PHACTR1: variants seen among roughly 807,000 people sequenced by gnomAD.
PHACTR1 encodes the protein RPEL repeat containing 1.
Under a neutral mutation model 69.2 loss-of-function variants are expected in PHACTR1, and 16 were observed. The observed-to-expected ratio is 0.23, with a 90% confidence interval of 0.16 to 0.35. The LOEUF is 0.35. PHACTR1 is among the 10% of genes least tolerant of loss of function. PHACTR1 has a pLI of 1.00. For missense variants in PHACTR1, 510 were observed against 734.7 expected, an observed-to-expected ratio of 0.69 and a Z score of 3.54; for synonymous variants, 312 against 284.5, an observed-to-expected ratio of 1.10 and a Z score of -0.97.
chr6:13,207,458 C>T (rs550049399), intron 8 of PHACTR1, among the ~76,000 whole-genome samples: 6 of 152,176 alleles, frequency 3.9e-5, no homozygotes, highest in Admixed American at 1.3e-4. Flanking sequence ...TGCCTCCAGT[C>T]GCTCTTCGGG....
chr6:12,835,761 A>G (rs1778091336), intron 4 of PHACTR1, among the ~76,000 whole-genome samples: 1 of 152,170 alleles, frequency 6.6e-6, no homozygotes, highest in African/African-American at 2.4e-5. Flanking sequence ...GATTTTGCTG[A>G]CAAGGAAAGA....
Position 12,972,647 on chromosome 6 carries a change from TTTCTTTC to T in PHACTR1, c.251-80715_251-80709del, listed in dbSNP as rs1482371205. On this transcript the variant is annotated intron_variant, in intron 4 of 14. Coordinates refer to ENST00000332995, the MANE Select transcript of PHACTR1 (RefSeq NM_030948.6). ...TCTAACTCCTTTCTTTCTTTCTTTC[TTTCTTTC>T]TTTTTTTTTTTTTTTGAGACAGAGT... Among the ~76,000 whole-genome samples the T allele has an allele frequency of 5.3e-3, 718 of 136,250 alleles. 7 individuals carry two copies. Among genetic ancestry groups the T allele is most frequent in the African/African-American group, 0.017 (667 of 38,530 alleles). The allele number at this position is 136,250 out of a possible 152,430, so 89.4% of individuals were successfully genotyped here. A position where few individuals can be genotyped will look rare whatever the true frequency, so the allele number is the denominator to read the frequency against.
intron 4 of PHACTR1, among the ~76,000 whole-genome samples, chr6:13,020,871 G>A (rs1450248117): frequency 1.3e-5 from 2 of 152,144 alleles, no homozygotes; most frequent in Non-Finnish European, 2.9e-5. Flanking sequence ...GTGGCTGGGG[G>A]ATGGTGAGAA....
chr6:12,887,777 T>C (rs1039482114), intron 4 of PHACTR1, among the ~76,000 whole-genome samples: 1 of 152,000 alleles, frequency 6.6e-6, no homozygotes, highest in African/African-American at 2.4e-5. Context: ...ATCTCTATCA[T>C]AGTAGTATTG....
chr6:12,924,005 C>G (rs892038239), intron 4 of PHACTR1, among the ~76,000 whole-genome samples: 1 of 152,166 alleles, frequency 6.6e-6, no homozygotes, highest in African/African-American at 2.4e-5. Context: ...CTAAAGTAAA[C>G]TGAATATCAA....
chr6:13,238,465 A>T (rs1033312222), intron 10 of PHACTR1, among the ~76,000 whole-genome samples: 1 of 152,174 alleles, frequency 6.6e-6, no homozygotes, highest in Non-Finnish European at 1.5e-5. Context: ...AAAGTATCCT[A>T]AATCTGTATT....
At chr6:13,123,246 T>TG in intron 5 of PHACTR1, among the ~76,000 whole-genome samples, 1 of 152,342 alleles carries the variant, frequency 6.6e-6, no homozygotes, top group Non-Finnish European at 1.5e-5. Context: ...CCCCTCTGCA[T>TG]GGGGAAATCC....
rs1467411895 is a variant in PHACTR1, at chr6:12,753,957, TATATA to T, written c.250+4168_250+4172del. Among the ~76,000 whole-genome samples the T allele has an allele frequency of 1.4e-3, 140 of 103,014 alleles. 2 individuals carry two copies. The highest frequency in any genetic ancestry group is 4.6e-3 in the African/African-American group (139 of 30,348). 67.6% of individuals were successfully genotyped at this position (103,014 alleles called of 152,430 possible). A position where few individuals can be genotyped will look rare whatever the true frequency, so the allele number is the denominator to read the frequency against. ...GGCAAGTTGTAAATATATATATATA[TATATA>T]TATATATATTTTTTTTTTGAGACAG... On this transcript the variant is annotated intron_variant, in intron 4 of 14. Coordinates refer to ENST00000332995, the MANE Select transcript of PHACTR1 (RefSeq NM_030948.6).
At chr6:13,239,220 C>T (rs58859488) in intron 10 of PHACTR1, among the ~76,000 whole-genome samples, 2,138 of 152,302 alleles carry the variant, frequency 0.014, 43 homozygotes, top group African/African-American at 0.047. Flanking sequence ...TGAAGGAAGA[C>T]GCCAGTCACC....
Position 12,982,300 on chromosome 6 carries a change from C to T in PHACTR1, c.251-71065C>T, listed in dbSNP as rs117931490. On this transcript the variant is annotated intron_variant, in intron 4 of 14. Coordinates refer to ENST00000332995, the MANE Select transcript of PHACTR1 (RefSeq NM_030948.6). ...TTCTAGTCCCCAAAGCAACTTTCTCCGGCTACTGCTTAGAACCCTGTTTAG... is the reference window on the plus strand; with the variant it reads ...TTCTAGTCCCCAAAGCAACTTTCTCTGGCTACTGCTTAGAACCCTGTTTAG... Among the ~76,000 whole-genome samples the T allele has an allele frequency of 1.3e-4, 20 of 152,288 alleles. 1 individual carries two copies. The highest frequency in any genetic ancestry group is 3.6e-4 in the African/African-American group (15 of 41,546).
At chr6:12,934,120 G>A in intron 4 of PHACTR1, 1 of 763,034 alleles carries the variant, frequency 1.3e-6, no homozygotes, top group Non-Finnish European at 1.9e-6. Flanking sequence ...CCAGCTTCTG[G>A]CAGCAGTTGG....
intron 4 of PHACTR1, among the ~76,000 whole-genome samples, chr6:12,904,657 G>A (rs1411851919): frequency 6.6e-6 from 1 of 152,016 alleles, no homozygotes; most frequent in Non-Finnish European, 1.5e-5. Context: ...CTTTGACTTG[G>A]GGAAGGATAA....
intron 8 of PHACTR1, among the ~76,000 whole-genome samples, chr6:13,226,719 C>T (rs1026577544): frequency 2.0e-5 from 3 of 151,170 alleles, no homozygotes; most frequent in South Asian, 2.1e-4. Context: ...TAGTAACTTT[C>T]GAACAACAAA....
At chr6:13,182,115 C>T (rs1024185693) in intron 6 of PHACTR1, among the ~76,000 whole-genome samples, 1 of 152,046 alleles carries the variant, frequency 6.6e-6, no homozygotes, top group Non-Finnish European at 1.5e-5. Flanking sequence ...TGCCTGTAAT[C>T]CCAGCTACTC....
At chr6:12,967,014 C>T (rs1257439997) in intron 4 of PHACTR1, among the ~76,000 whole-genome samples, 1 of 152,194 alleles carries the variant, frequency 6.6e-6, no homozygotes, top group African/African-American at 2.4e-5. Context: ...CCTGAAGTCT[C>T]TCTTTATGTT....
chr6:12,995,840 C>CT lies in PHACTR1; in HGVS notation c.251-57523dup, dbSNP rs1797360540. ...TCACAGTAACTTATACATTAGTTAACTTAGTAATTTTATTGGAGATTTGAA... is the reference window on the plus strand; with the variant it reads ...TCACAGTAACTTATACATTAGTTAACTTTAGTAATTTTATTGGAGATTTGAA... On this transcript the variant is annotated intron_variant, in intron 4 of 14. Transcript: ENST00000332995. 2.6e-5 allele frequency among the ~76,000 whole-genome samples: 4 copies of CT among 151,986 alleles called. No homozygotes were observed. In the South Asian group the frequency reaches 8.3e-4, roughly 32 times the overall value.
intron 6 of PHACTR1, among the ~76,000 whole-genome samples, chr6:13,162,126 GCCTC>G (rs1759113602): frequency 6.6e-6 from 1 of 151,536 alleles, no homozygotes; most frequent in Admixed American, 6.6e-5. Flanking sequence ...TTGAGACAGA[GCCTC>G]CCTCTGTCGC....
At chr6:12,916,224 A>G (rs1236250410) in intron 4 of PHACTR1, among the ~76,000 whole-genome samples, 1 of 152,120 alleles carries the variant, frequency 6.6e-6, no homozygotes, top group Non-Finnish European at 1.5e-5. Context: ...GTTACTCACA[A>G]TCTTCATGTC....
chr6:12,976,636 G>A (rs960364573), intron 4 of PHACTR1, among the ~76,000 whole-genome samples: 2 of 152,276 alleles, frequency 1.3e-5, no homozygotes, highest in South Asian at 2.1e-4. Flanking sequence ...TGAACAATTC[G>A]TAAGTTTTAA....
Sources: allele counts gnomAD v4.1 joint callset (sites outside exome capture counted in the v4.1 genomes callset), GRCh38; gene constraint gnomAD v4.1.1; transcripts MANE v1.5; gene names NCBI Gene and HGNC (gene_info 2026-07-23, HGNC 2026-07-21).